FAM168B: variants seen among roughly 807,000 people sequenced by gnomAD.
FAM168B encodes myelin-associated neurite-outgrowth inhibitor.
Under a neutral mutation model 21.8 loss-of-function variants are expected in FAM168B, and 19 were observed. The observed-to-expected ratio is 0.87, with a 90% CI of 0.61 to 1.28. FAM168B has a LOEUF of 1.28. Among genes scored for constraint, FAM168B ranks in the 50% most tolerant of loss-of-function variants. FAM168B has a pLI of 0.00. For synonymous variants in FAM168B, 126 were observed against 104.8 expected, an observed-to-expected ratio of 1.20 and a Z score of -1.24; for missense variants, 233 against 263.1, an observed-to-expected ratio of 0.89 and a Z score of 0.79.
intron 1 of FAM168B, among the ~76,000 whole-genome samples, chr2:131,083,082 A>G (rs1414692243): frequency 6.6e-6 from 1 of 152,062 alleles, no homozygotes; most frequent in Non-Finnish European, 1.5e-5. Context: ...TTGGCCAGGC[A>G]TGGTGGCTCG....
intron 5 of FAM168B, 88 bp downstream of exon 5, chr2:131,055,184 G>C (rs1691941812): frequency 7.9e-7 from 1 of 1,273,154 alleles, no homozygotes; most frequent in East Asian, 2.8e-5. Context: ...TGAAAACCTA[G>C]AGCCAAGGGT....
At position 131,086,841 on chromosome 2, in the gene FAM168B, G is replaced by A. The variant is rs565068903; in HGVS notation, c.-11-4184C>T. 1.3e-4 allele frequency among the ~76,000 whole-genome samples: 17 copies of A among 129,936 alleles called. 2 individuals are homozygous for A. In the South Asian group the frequency reaches 3.5e-3, roughly 27 times the overall value. 85.2% of individuals were successfully genotyped at this position (129,936 alleles called of 152,430 possible). On this transcript the variant is annotated intron_variant, in intron 1 of 6. Transcript: ENST00000389915. ...AGCACTTTGGGAGGCCGAGGCGGGC[G>A]GATCACGAGGTCAGGAGATCGAGAC...
At chr2:131,078,916 G>C (rs1693300145) in intron 2 of FAM168B, among the ~76,000 whole-genome samples, 1 of 150,984 alleles carries the variant, frequency 6.6e-6, no homozygotes, top group African/African-American at 2.4e-5. Context: ...AGTCCAAGGA[G>C]TTTGAGGCTG....
rs532144924 is a variant in FAM168B at position 131,069,499 on chromosome 2, G to A, written c.154+2356C>T. On this transcript the variant is annotated intron_variant, in intron 3 of 6. Transcript: ENST00000389915. ...GGTTACACAGGTTTCTTTCTCTTTT[G>A]TTTTTTTTTTTGGGGACGGAGTCCT... Among the ~76,000 whole-genome samples the A allele has an allele frequency of 1.7e-3, 250 of 146,298 alleles. 1 individual carries two copies. The highest frequency in any genetic ancestry group is 2.9e-3 in the Non-Finnish European group (188 of 65,912).
chr2:131,091,574 G>A (rs1015717415), intron 1 of FAM168B, among the ~76,000 whole-genome samples: 1 of 151,054 alleles, frequency 6.6e-6, no homozygotes. Context: ...TTGAGCCCGG[G>A]AGGCGGAGGT....
At chr2:131,091,196 G>C (rs577592071) in intron 1 of FAM168B, among the ~76,000 whole-genome samples, 2 of 152,184 alleles carry the variant, frequency 1.3e-5, no homozygotes, top group South Asian at 4.2e-4. Flanking sequence ...AACATTACCT[G>C]GGCAGGGTGG....
rs1216347153 is a variant in FAM168B, at chr2:131,050,589, AAG to A, written c.*1874_*1875del. On this transcript the variant is annotated 3_prime_UTR_variant, in exon 7 of 7. Coordinates refer to ENST00000389915, the MANE Select transcript of FAM168B (RefSeq NM_001009993.4). Reference sequence around the variant, plus strand: ...TCTATGTTAATAGACATCAGGAATAAAGAATCTGCTGTTTACAATGATCCATG... The same window carrying A: ...TCTATGTTAATAGACATCAGGAATAAAATCTGCTGTTTACAATGATCCATG... 3.0e-6 allele frequency: 3 copies of A among 985,602 alleles called. No individual in the cohort carries two copies. The African/African-American group carries it at 5.2e-5, about 17-fold the overall frequency. 61.1% of individuals were successfully genotyped at this position (985,602 alleles called of 1,614,324 possible). A position where few individuals can be genotyped will look rare whatever the true frequency, so the allele number is the denominator to read the frequency against.
chr2:131,065,090 T>C (rs1692488575), intron 3 of FAM168B, among the ~76,000 whole-genome samples: 1 of 151,906 alleles, frequency 6.6e-6, no homozygotes, highest in African/African-American at 2.4e-5. Context: ...TGAAGGAAGG[T>C]CGGGGCAGCA....
intron 1 of FAM168B, 141 bp from the exon 2 acceptor site, chr2:131,082,798 G>A (rs890732086): frequency 5.1e-5 from 30 of 588,030 alleles, no homozygotes; most frequent in Non-Finnish European, 7.9e-5. Flanking sequence ...CCCAACCAGC[G>A]AAGAACAGAA....
chr2:131,088,965 C>CTA (rs1693860536), intron 1 of FAM168B, among the ~76,000 whole-genome samples: 1 of 139,976 alleles, frequency 7.1e-6, no homozygotes, highest in Non-Finnish European at 1.6e-5. Flanking sequence ...GAGCGTACCA[C>CTA]TTTTTTTTTT....
Position 131,051,074 on chromosome 2 carries a change from C to A in FAM168B, c.*1391G>T. ...AATTCCTCTCCCACAATAAACCCTG[C>A]CAGCAAACGCACTCCAGCACTGCCT... On this transcript the variant is annotated 3_prime_UTR_variant, in exon 7 of 7. Coordinates refer to ENST00000389915, the MANE Select transcript of FAM168B (RefSeq NM_001009993.4). 1.0e-6 allele frequency: 1 copy of A among 985,456 alleles called. No individual in the cohort carries two copies. Among genetic ancestry groups the A allele is most frequent in the Non-Finnish European group, 1.2e-6 (1 of 829,966 alleles). The allele number at this position is 985,456 out of a possible 1,614,324, so 61.0% of individuals were successfully genotyped here.
Position 131,049,714 on chromosome 2 carries a change from A to C in FAM168B, c.*2751T>G. ...GGTCCTTTGCTTACCTGCTGTCTCA[A>C]CTTCTAAAAGAATAGTAATTCAGCT... On this transcript the variant is annotated 3_prime_UTR_variant, in exon 7 of 7. Transcript: ENST00000389915. The C allele has an allele frequency of 1.0e-6, 1 of 985,870 alleles. No individual in the cohort carries two copies. The allele number at this position is 985,870 out of a possible 1,614,324, so 61.1% of individuals were successfully genotyped here. A position where few individuals can be genotyped will look rare whatever the true frequency, so the allele number is the denominator to read the frequency against.
Position 131,051,890 on chromosome 2 carries a change from AG to A in FAM168B, c.*574del. ...CTCGCAACTCCCTCCCAGGACAGTC[AG>A]TGCCAAAGAAACAGGTCGCTGAAAA... On this transcript the variant is annotated 3_prime_UTR_variant, in exon 7 of 7. Transcript: ENST00000389915. 1.0e-6 allele frequency: 1 copy of A among 985,472 alleles called. No individual in the cohort carries two copies. Among genetic ancestry groups the A allele is most frequent in the Non-Finnish European group, 1.2e-6 (1 of 829,944 alleles). The allele number at this position is 985,472 out of a possible 1,614,324, so 61.0% of individuals were successfully genotyped here.
In FAM168B at chr2:131,082,782, G is replaced by A. The variant is rs998504705; in HGVS notation, c.-11-125C>T. On this transcript the variant is annotated intron_variant, in intron 1 of 6. Transcript: ENST00000389915. ...GCTGCTATAAAACAATGCATTTCAT[G>A]CTGCCCCCAACCAGCGAAGAACAGA... 1.3e-5 allele frequency: 8 copies of A among 606,326 alleles called. No individual in the cohort carries two copies. In the African/African-American group the frequency reaches 1.5e-4, roughly 11 times the overall value. 37.6% of individuals were successfully genotyped at this position (606,326 alleles called of 1,614,324 possible).
chr2:131,063,325 A>AT (rs1692398213), intron 3 of FAM168B, among the ~76,000 whole-genome samples: 1 of 152,182 alleles, frequency 6.6e-6, no homozygotes, highest in African/African-American at 2.4e-5. Flanking sequence ...TTTAATATAT[A>AT]TTATCTTACT....
intron 1 of FAM168B, among the ~76,000 whole-genome samples, chr2:131,090,658 A>C (rs1693969448): frequency 1.3e-5 from 2 of 151,800 alleles, no homozygotes; most frequent in South Asian, 2.1e-4. Context: ...TTGAGCCCAG[A>C]AGTTTGAGAT....
At chr2:131,061,460 G>C (rs1296917571) in intron 3 of FAM168B, among the ~76,000 whole-genome samples, 1 of 151,682 alleles carries the variant, frequency 6.6e-6, no homozygotes, top group Non-Finnish European at 1.5e-5. Flanking sequence ...AGGGCCCACG[G>C]ATCACCACAC....
rs1164278934 is a variant in FAM168B, at chr2:131,053,027, A to G, written c.476-12T>C. ...AGTCAGCAGGGTACCTGGAAGAAAG[A>G]GCAGCACATGACATGAGGCTGACCT... On this transcript the variant is annotated splice_polypyrimidine_tract_variant and intron_variant, in intron 5 of 6. Transcript: ENST00000389915. 1.3e-6 allele frequency: 2 copies of G among 1,546,272 alleles called. No homozygotes were observed. The highest frequency in any genetic ancestry group is 2.0e-5 in the Admixed American group (1 of 49,696).
In FAM168B at chr2:131,052,369, A is replaced by G. The variant is rs961961564; in HGVS notation, c.*96T>C. The stretch of plus-strand genomic sequence containing the variant: ...TAGCTAAGTGTCGAGAGCATTAAGA[A>G]GAAAGTCCTGGTTGGAGGCGCAAGG... On this transcript the variant is annotated 3_prime_UTR_variant, in exon 7 of 7. Transcript: ENST00000389915. 10 of 986,450 alleles carry G rather than the reference A, an allele frequency of 1.0e-5. No individual in the cohort carries two copies. Among genetic ancestry groups the G allele is most frequent in the Admixed American group, 6.1e-5 (1 of 16,380 alleles). 61.1% of individuals were successfully genotyped at this position (986,450 alleles called of 1,614,324 possible). A position where few individuals can be genotyped will look rare whatever the true frequency, so the allele number is the denominator to read the frequency against.
Sources: gnomAD v4.1 joint callset for allele counts (sites outside exome capture counted in the v4.1 genomes callset) on GRCh38, gnomAD v4.1.1 for gene constraint, MANE v1.5 for transcripts, NCBI Gene and HGNC (gene_info 2026-07-23, HGNC 2026-07-21) for gene names.